Variants in DCDC2 observed in about 807,000 individuals in gnomAD.
DCDC2 encodes doublecortin domain containing 2, also known as doublecortin domain-containing protein 2.
A neutral mutation model predicts 50.2 loss-of-function variants in DCDC2; 40 were observed. The observed-to-expected ratio is 0.80, with a 90% CI of 0.62 to 1.04. The LOEUF (loss-of-function observed/expected upper bound fraction) is 1.04. Among genes scored for constraint, DCDC2 ranks in the 50% least tolerant of loss-of-function variants. The pLI, the probability that DCDC2 is intolerant of heterozygous loss-of-function variation, is 0.00. For missense variants in DCDC2, 570 were observed against 581.9 expected, an observed-to-expected ratio of 0.98 and a Z score of 0.21; for synonymous variants, 234 against 210.6, an observed-to-expected ratio of 1.11 and a Z score of -0.96.
intron 2 of DCDC2, among the ~76,000 whole-genome samples, chr6:24,332,602 G>A (rs1033661132): frequency 5.9e-5 from 9 of 152,160 alleles, no homozygotes; most frequent in African/African-American, 2.2e-4. Context: ...GAATCCAGGT[G>A]CAGAATAAGT....
chr6:24,265,235 A>G (rs1763094240), intron 7 of DCDC2, among the ~76,000 whole-genome samples: 3 of 152,232 alleles, frequency 2.0e-5, no homozygotes, highest in African/African-American at 7.2e-5. Flanking sequence ...AGAATTGAAA[A>G]TACATACTCA....
intron 2 of DCDC2, among the ~76,000 whole-genome samples, chr6:24,325,147 G>C (rs753257551): frequency 7.7e-6 from 1 of 130,706 alleles, no homozygotes; most frequent in African/African-American, 2.5e-5. Flanking sequence ...CCAGAGCCCC[G>C]TGGTCAAAAC....
At chr6:24,225,896 T>C (rs1175881257) in intron 7 of DCDC2, among the ~76,000 whole-genome samples, 2 of 151,408 alleles carry the variant, frequency 1.3e-5, no homozygotes, top group East Asian at 1.9e-4. Context: ...ACAGTCAGCA[T>C]ATTATAACAA....
intron 8 of DCDC2, among the ~76,000 whole-genome samples, chr6:24,186,619 G>A (rs927955811): frequency 3.3e-5 from 5 of 152,202 alleles, no homozygotes; most frequent in East Asian, 1.9e-4. Context: ...ATGAGGCAGA[G>A]GGGCTGCTGG....
At chr6:24,240,202 G>C (rs1762535183) in intron 7 of DCDC2, among the ~76,000 whole-genome samples, 1 of 152,096 alleles carries the variant, frequency 6.6e-6, no homozygotes, top group Non-Finnish European at 1.5e-5. Flanking sequence ...ATAGGTACCA[G>C]CTGAAAATCA....
At chr6:24,303,665 T>C (rs947461482) in intron 2 of DCDC2, among the ~76,000 whole-genome samples, 1 of 152,238 alleles carries the variant, frequency 6.6e-6, no homozygotes, top group Non-Finnish European at 1.5e-5. Flanking sequence ...TTTATAAAAA[T>C]AGGTAACAGT....
chr6:24,193,232 T>G (rs1761349652), intron 8 of DCDC2, among the ~76,000 whole-genome samples: 1 of 152,138 alleles, frequency 6.6e-6, no homozygotes, highest in South Asian at 2.1e-4. Flanking sequence ...AGCTTTTCTC[T>G]GAAGGCAACT....
chr6:24,288,930 G>C (rs1763677998), intron 5 of DCDC2, 24 bp from the exon 6 acceptor site: 1 of 1,558,684 alleles, frequency 6.4e-7, no homozygotes, highest in African/African-American at 1.4e-5. Context: ...TTGCAATTTA[G>C]AAATCTGAAT....
chr6:24,264,307 G>C (rs1184499963), intron 7 of DCDC2, among the ~76,000 whole-genome samples: 1 of 152,136 alleles, frequency 6.6e-6, no homozygotes, highest in Non-Finnish European at 1.5e-5. Context: ...AAATTCACTG[G>C]TAATAGTAAG....
At chr6:24,187,061 G>A (rs557544109) in intron 8 of DCDC2, among the ~76,000 whole-genome samples, 245 of 152,130 alleles carry the variant, frequency 1.6e-3, no homozygotes, top group Non-Finnish European at 3.0e-3. Context: ...GGCAGCCCTA[G>A]CAAACTAATA....
the DCDC2 span, among the ~76,000 whole-genome samples, chr6:24,376,614 C>T: frequency 6.6e-6 from 1 of 151,698 alleles, no homozygotes; most frequent in East Asian, 1.9e-4. Flanking sequence ...CTATGGGATG[C>T]ACATGTACTT....
At chr6:24,273,755 T>C (rs1409794615) in intron 7 of DCDC2, among the ~76,000 whole-genome samples, 1 of 152,194 alleles carries the variant, frequency 6.6e-6, no homozygotes, top group Non-Finnish European at 1.5e-5. Context: ...TGAGGATGAA[T>C]TGCAGTAACG....
At chr6:24,252,743 C>T (rs943977771) in intron 7 of DCDC2, among the ~76,000 whole-genome samples, 1 of 152,118 alleles carries the variant, frequency 6.6e-6, no homozygotes, top group Non-Finnish European at 1.5e-5. Flanking sequence ...AGTGATAACA[C>T]AAAAACATTC....
intron 2 of DCDC2, among the ~76,000 whole-genome samples, chr6:24,333,358 A>G (rs569313989): frequency 4.6e-5 from 7 of 152,166 alleles, no homozygotes; most frequent in Non-Finnish European, 1.0e-4. Context: ...CCTGAAAGGT[A>G]TGACGACCCC....
At chr6:24,223,079 G>T (rs1194435171) in intron 7 of DCDC2, among the ~76,000 whole-genome samples, 1 of 152,136 alleles carries the variant, frequency 6.6e-6, no homozygotes, top group East Asian at 1.9e-4. Flanking sequence ...TCCACAGCTG[G>T]GTTTAAATGG....
intron 8 of DCDC2, among the ~76,000 whole-genome samples, chr6:24,194,272 A>C (rs1396262631): frequency 6.6e-6 from 1 of 152,158 alleles, no homozygotes; most frequent in African/African-American, 2.4e-5. Flanking sequence ...AATAAATTTT[A>C]AATAAATAAG....
intron 2 of DCDC2, among the ~76,000 whole-genome samples, chr6:24,328,095 T>G (rs1245938384): frequency 6.6e-6 from 1 of 152,230 alleles, no homozygotes; most frequent in East Asian, 1.9e-4. Context: ...CCGAGATATC[T>G]AATAAATGTT....
At chr6:24,263,727 C>T (rs1181857337) in intron 7 of DCDC2, among the ~76,000 whole-genome samples, 1 of 152,014 alleles carries the variant, frequency 6.6e-6, no homozygotes, top group African/African-American at 2.4e-5. Context: ...AACAAATTTA[C>T]AAGAACTAGA....
intron 7 of DCDC2, among the ~76,000 whole-genome samples, chr6:24,259,832 A>AC (rs1232467473): frequency 1.3e-5 from 2 of 152,060 alleles, no homozygotes; most frequent in Admixed American, 6.6e-5. Flanking sequence ...GTAATATCCT[A>AC]CCTTGACTTA....
Sources: gnomAD v4.1 joint callset for allele counts (sites outside exome capture counted in the v4.1 genomes callset) on GRCh38, gnomAD v4.1.1 for gene constraint, MANE v1.5 for transcripts, NCBI Gene and HGNC (gene_info 2026-07-23, HGNC 2026-07-21) for gene names.